Variants in KCNH8 observed in about 807,000 individuals in gnomAD.
KCNH8 encodes potassium voltage-gated channel subfamily H member 8.
A neutral mutation model predicts 103.6 loss-of-function variants in KCNH8; 70 were observed. That is an observed-to-expected ratio of 0.68 (90% CI 0.56 to 0.82). KCNH8 has a LOEUF of 0.82. Among genes scored for constraint, KCNH8 ranks in the 40% least tolerant of loss-of-function variants. The pLI is 0.00. For missense variants in KCNH8, 1,217 were observed against 1,329.9 expected (o/e 0.92, Z 1.32); for synonymous variants, 498 against 489.4 (o/e 1.02, Z -0.23).
At chr3:19,325,726 A>G (rs1352268757) in intron 3 of KCNH8, among the ~76,000 whole-genome samples, 1 of 152,164 alleles carries the variant, frequency 6.6e-6, no homozygotes, top group Non-Finnish European at 1.5e-5. Flanking sequence ...ATGCTAATAC[A>G]CTTTTGGTGG....
At chr3:19,454,164 G>C (rs2067494576) in intron 10 of KCNH8, among the ~76,000 whole-genome samples, 1 of 148,500 alleles carries the variant, frequency 6.7e-6, no homozygotes, top group African/African-American at 2.5e-5. Context: ...GTGTGTGTGT[G>C]TGTGTGTGTG....
At chr3:19,403,266 A>G (rs1033457472) in intron 7 of KCNH8, among the ~76,000 whole-genome samples, 5 of 150,120 alleles carry the variant, frequency 3.3e-5, no homozygotes, top group African/African-American at 4.9e-5. Flanking sequence ...TTAACTTGCA[A>G]TCTGTACTCT....
intron 15 of KCNH8, among the ~76,000 whole-genome samples, chr3:19,527,709 T>A (rs2069089660): frequency 1.3e-5 from 2 of 152,086 alleles, no homozygotes; most frequent in Admixed American, 6.6e-5. Context: ...TATGGAAGGA[T>A]CAGTGTGTGG....
At chr3:19,301,166 T>C (rs146141725) in intron 3 of KCNH8, among the ~76,000 whole-genome samples, 84 of 151,780 alleles carry the variant, frequency 5.5e-4, no homozygotes, top group African/African-American at 1.9e-3. Context: ...CCTATTAAGC[T>C]TGAGTCTCGA....
intron 11 of KCNH8, among the ~76,000 whole-genome samples, chr3:19,508,909 C>T (rs187860751): frequency 1.3e-5 from 2 of 152,314 alleles, no homozygotes; most frequent in Admixed American, 1.3e-4. Context: ...CTAAGGCCAG[C>T]ATCTTTCTCT....
intron 1 of KCNH8, among the ~76,000 whole-genome samples, chr3:19,166,062 C>G (rs1041470205): frequency 3.3e-5 from 5 of 152,276 alleles, no homozygotes; most frequent in Admixed American, 3.3e-4. Context: ...GATGCCCTCC[C>G]ACAGTGAGTG....
intron 1 of KCNH8, among the ~76,000 whole-genome samples, chr3:19,233,430 A>G (rs1319956805): frequency 6.6e-6 from 1 of 152,146 alleles, no homozygotes; most frequent in Non-Finnish European, 1.5e-5. Flanking sequence ...TGCTTTGTTT[A>G]TTATAGGGAA....
chr3:19,281,644 A>G (rs573632518), intron 3 of KCNH8, among the ~76,000 whole-genome samples: 1 of 152,204 alleles, frequency 6.6e-6, no homozygotes, highest in East Asian at 1.9e-4. Context: ...AAATTAATGG[A>G]TGGGATAAGT....
rs758162637 is a variant in KCNH8, at chr3:19,253,887, G to A, written c.310G>A (p.Gly104Arg). ...AGAAATTATGTTCTACAAGAAAAAC[G>A]GTGAGTTGGCTTTCTTTCGTGCTCA... ...KGEIMFYKKN[G>R]SPFWCLLDIV... Residue 104 changes from glycine (G) to arginine (R), a missense_variant and splice_region_variant, in exon 2 of 16, where the codon GGG becomes AGG. By Grantham distance (125) the Gly-to-Arg change is moderately radical. Coordinates refer to ENST00000328405, the MANE Select transcript of KCNH8 (RefSeq NM_144633.3). The A allele has an allele frequency of 8.1e-6, 13 of 1,605,692 alleles. No individual in the cohort carries two copies. The highest frequency in any genetic ancestry group is 3.3e-5 in the Admixed American group (2 of 59,898).
At chr3:19,512,710 C>T (rs2068803209) in intron 12 of KCNH8, among the ~76,000 whole-genome samples, 1 of 151,906 alleles carries the variant, frequency 6.6e-6, no homozygotes, top group South Asian at 2.1e-4. Flanking sequence ...CCCATGAAGA[C>T]AGTTTAAAAG....
At chr3:19,173,442 G>A (rs576746011) in intron 1 of KCNH8, among the ~76,000 whole-genome samples, 24 of 152,296 alleles carry the variant, frequency 1.6e-4, no homozygotes, top group African/African-American at 5.3e-4. Context: ...ACCTCTGCAA[G>A]TGTAAAAACA....
intron 10 of KCNH8, among the ~76,000 whole-genome samples, chr3:19,455,648 A>C (rs1206672233): frequency 1.3e-5 from 2 of 152,042 alleles, no homozygotes; most frequent in Non-Finnish European, 2.9e-5. Flanking sequence ...GCTTGCCAGG[A>C]CTCAATACAA....
rs1274763014 is a variant in KCNH8, at chr3:19,313,096, T to TG, written c.443-29487dup. Among the ~76,000 whole-genome samples the TG allele has an allele frequency of 2.6e-5, 4 of 151,934 alleles. No homozygotes were observed. In the East Asian group the frequency reaches 5.8e-4, roughly 22 times the overall value. On this transcript the variant is annotated intron_variant, in intron 3 of 15. Transcript: ENST00000328405. ...CAAAAATATGAGTGGTTGCATTGAA[T>TG]GGGGAACACAAAGGTAATTCAGGCT... is the stretch of plus-strand genomic sequence containing the variant.
chr3:19,440,742 A>G (rs978296150), intron 8 of KCNH8, among the ~76,000 whole-genome samples: 2 of 152,144 alleles, frequency 1.3e-5, no homozygotes, highest in African/African-American at 4.8e-5. Flanking sequence ...ATATGCCAAC[A>G]CCAATACAAT....
intron 3 of KCNH8, among the ~76,000 whole-genome samples, chr3:19,331,619 A>G (rs1472620717): frequency 6.6e-6 from 1 of 152,104 alleles, no homozygotes; most frequent in African/African-American, 2.4e-5. Flanking sequence ...TGGGTACATC[A>G]TAGATGTAGG....
chr3:19,222,820 TGAAA>T (rs2063890480), intron 1 of KCNH8, among the ~76,000 whole-genome samples: 2 of 152,166 alleles, frequency 1.3e-5, no homozygotes, highest in Admixed American at 1.3e-4. Context: ...ATAGGATAAA[TGAAA>T]GAAAGCCTCT....
chr3:19,244,523 A>G (rs2064180505), intron 1 of KCNH8, among the ~76,000 whole-genome samples: 1 of 152,060 alleles, frequency 6.6e-6, no homozygotes, highest in Non-Finnish European at 1.5e-5. Flanking sequence ...GTTCTGTTTT[A>G]TATTCTTTGA....
chr3:19,153,371 T>C (rs534827490), intron 1 of KCNH8, among the ~76,000 whole-genome samples: 59 of 152,264 alleles, frequency 3.9e-4, no homozygotes, highest in African/African-American at 1.4e-3. Context: ...GTGTCCACGA[T>C]ATAGTCTTTC....
intron 5 of KCNH8, among the ~76,000 whole-genome samples, chr3:19,378,162 C>T (rs958975270): frequency 6.6e-6 from 1 of 152,038 alleles, no homozygotes; most frequent in Non-Finnish European, 1.5e-5. Context: ...TTCATTCCAG[C>T]CAGCAAAAGC....
Sources: gnomAD v4.1 joint callset for allele counts (sites outside exome capture counted in the v4.1 genomes callset) on GRCh38, gnomAD v4.1.1 for gene constraint, MANE v1.5 for transcripts, NCBI Gene and HGNC (gene_info 2026-07-23, HGNC 2026-07-21) for gene names.